Variants in NDEL1 observed in about 807,000 individuals in gnomAD.
NDEL1 encodes nuclear distribution protein nudE-like 1.
Under a neutral mutation model 45.7 loss-of-function variants are expected in NDEL1, and 9 were observed. The ratio of observed to expected loss-of-function variants is 0.20; its 90% CI spans 0.12 to 0.34. NDEL1 has a LOEUF of 0.34. NDEL1 is among the 10% of genes least tolerant of loss of function. The pLI is 1.00. For synonymous variants in NDEL1, 133 were observed against 158.6 expected (o/e 0.84, Z 1.21); for missense variants, 306 against 406.2 (o/e 0.75, Z 2.12).
chr17:8,456,300 C>G (rs1236875225), intron 7 of NDEL1, among the ~76,000 whole-genome samples: 1 of 152,102 alleles, frequency 6.6e-6, no homozygotes, highest in Non-Finnish European at 1.5e-5. Context: ...TTTCTTCACT[C>G]CCAAGATAAC....
upstream of NDEL1, among the ~76,000 whole-genome samples, chr17:8,431,046 C>T (rs746171390): frequency 2.0e-5 from 3 of 152,206 alleles, no homozygotes; most frequent in Admixed American, 6.5e-5. Flanking sequence ...GTTTTGGGTC[C>T]AGGCCGCGTG....
At chr17:8,459,618 T>G (rs866947414) in intron 7 of NDEL1, among the ~76,000 whole-genome samples, 2 of 152,068 alleles carry the variant, frequency 1.3e-5, no homozygotes, top group South Asian at 2.1e-4. Context: ...ATTTTTGGGT[T>G]TTTTAATAGT....
chr17:8,472,628 G>A (rs112780239), downstream of NDEL1, among the ~76,000 whole-genome samples: 183 of 152,170 alleles, frequency 1.2e-3, no homozygotes, highest in Admixed American at 3.2e-3. Context: ...ATGCCACTGC[G>A]CTCCAGCCTG....
At chr17:8,445,259 A>G (rs1205893808) in intron 2 of NDEL1, among the ~76,000 whole-genome samples, 3 of 152,258 alleles carry the variant, frequency 2.0e-5, no homozygotes, top group Non-Finnish European at 4.4e-5. Context: ...AAAAAAAGAT[A>G]CAGAAGTGAA....
chr17:8,452,512 T>C (rs1244361835), intron 6 of NDEL1, among the ~76,000 whole-genome samples: 1 of 152,124 alleles, frequency 6.6e-6, no homozygotes, highest in African/African-American at 2.4e-5. Flanking sequence ...CTGGCTAACC[T>C]AAAAGCTGCT....
chr17:8,450,980 C>T (rs1429003126), intron 6 of NDEL1, 27 bp downstream of exon 6: 36 of 1,592,796 alleles, frequency 2.3e-5, no homozygotes, highest in Non-Finnish European at 2.7e-5. Context: ...CTTTTTGAGG[C>T]GATGTGTTAG....
downstream of NDEL1, among the ~76,000 whole-genome samples, chr17:8,471,031 G>A (rs549510012): frequency 2.4e-4 from 36 of 152,348 alleles, no homozygotes; most frequent in East Asian, 5.8e-3. Flanking sequence ...CCCCCTCCCC[G>A]ACTGTAACAG....
chr17:8,472,662 C>CG (rs548557467), downstream of NDEL1, among the ~76,000 whole-genome samples: 72 of 150,924 alleles, frequency 4.8e-4, 1 homozygote, highest in African/African-American at 1.7e-3. Context: ...GACTCTGTCT[C>CG]GGGAAAAAAA....
At position 8,467,986 on chromosome 17, in the gene NDEL1, T is replaced by G. The variant is rs1054277653; in HGVS notation, c.*963T>G. ...TTTGTAAACATTATTGCCTGAGATA[T>G]TTGTATATAACTTGGGCTTTGTAGC... On this transcript the variant is annotated 3_prime_UTR_variant, in exon 9 of 9. Coordinates refer to ENST00000334527, the MANE Select transcript of NDEL1 (RefSeq NM_030808.5). This position sits in a 1 kb window ranked among gnomAD's most constrained non-coding sequence, Gnocchi z 6.3. 1.3e-5 allele frequency: 2 copies of G among 152,654 alleles called. No homozygotes were observed. The highest frequency in any genetic ancestry group is 4.8e-5 in the African/African-American group (2 of 41,444). 9.5% of individuals were successfully genotyped at this position (152,654 alleles called of 1,614,324 possible).
chr17:8,420,166 T>C (rs1348367944), intron 1 of NDEL1, among the ~76,000 whole-genome samples: 2 of 152,216 alleles, frequency 1.3e-5, no homozygotes, highest in African/African-American at 2.4e-5. Context: ...CTGTGTGACC[T>C]TGGAGACGTT....
chr17:8,435,535 A>G (rs1401628269), upstream of NDEL1, among the ~76,000 whole-genome samples: 2 of 152,254 alleles, frequency 1.3e-5, no homozygotes, highest in Non-Finnish European at 2.9e-5. Context: ...GAGGTGAACT[A>G]TGAGCCGAGA....
chr17:8,428,832 C>T (rs1323799031), intron 1 of NDEL1, among the ~76,000 whole-genome samples: 1 of 151,872 alleles, frequency 6.6e-6, no homozygotes, highest in Non-Finnish European at 1.5e-5. Context: ...TGCCACCACG[C>T]CCGGCTAATT....
At chr17:8,413,162 G>A (rs796126795) in exon 1 of NDEL1, 43 of 53,194 alleles carry the variant, frequency 8.1e-4, no homozygotes, top group African/African-American at 4.3e-3. Context: ...TTGGTCGGAC[G>A]GTGATTCTCA....
At chr17:8,461,896 G>C (rs180910681) in intron 8 of NDEL1, among the ~76,000 whole-genome samples, 1 of 152,004 alleles carries the variant, frequency 6.6e-6, no homozygotes, top group South Asian at 2.1e-4. Context: ...TGGATAGGTC[G>C]GACAGGTGCC....
At chr17:8,432,300 AAG>A (rs1391898984), upstream of NDEL1, 3 of 10,130 alleles carry the variant, frequency 3.0e-4, no homozygotes, top group South Asian at 0.022. Flanking sequence ...CTACCCTTTA[AAG>A]AGATATATAT....
upstream of NDEL1, among the ~76,000 whole-genome samples, chr17:8,433,690 A>G (rs1379626552): frequency 6.6e-6 from 1 of 151,990 alleles, no homozygotes. Flanking sequence ...CATTTATTTT[A>G]TTTTTTTAGA....
chr17:8,471,243 G>A (rs1911827504), downstream of NDEL1, among the ~76,000 whole-genome samples: 1 of 152,158 alleles, frequency 6.6e-6, no homozygotes, highest in Admixed American at 6.5e-5. Context: ...CTCTGCCTCC[G>A]AGGTTCAAGC....
chr17:8,460,385 A>G (rs1911122756), intron 8 of NDEL1, among the ~76,000 whole-genome samples: 1 of 151,776 alleles, frequency 6.6e-6, no homozygotes, highest in African/African-American at 2.4e-5. Context: ...TGGGAAGCAG[A>G]CTCTTGAAAG....
At chr17:8,442,754 A>C in intron 1 of NDEL1, among the ~76,000 whole-genome samples, 1 of 135,414 alleles carries the variant, frequency 7.4e-6, no homozygotes. Flanking sequence ...AGTTCTATGC[A>C]TCTCCAGGTT....
Sources: gnomAD v4.1 joint callset for allele counts (sites outside exome capture counted in the v4.1 genomes callset) on GRCh38, gnomAD v4.1.1 for gene constraint, Gnocchi (gnomAD v3.1) non-coding constraint, MANE v1.5 for transcripts, NCBI Gene and HGNC (gene_info 2026-07-23, HGNC 2026-07-21) for gene names.